The following SLC34A2 variants were observed in gnomAD, a reference collection of about 807,000 sequenced individuals.
SLC34A2 encodes the protein sodium-dependent phosphate transport protein 2B.
SLC34A2 carries 41 observed loss-of-function variants against 50.8 expected under a neutral mutation model. The ratio of observed to expected loss-of-function variants is 0.81; its 90% CI spans 0.63 to 1.05. The LOEUF is 1.05. Ranked by LOEUF, SLC34A2 falls within the 50% of genes least tolerant of loss-of-function variation. SLC34A2 has a pLI of 0.00. For missense variants in SLC34A2, 879 were observed against 876.7 expected (o/e 1.00, Z -0.03); for synonymous variants, 401 against 364.2 (o/e 1.10, Z -1.15).
At chr4:25,668,498 C>T (rs994200168) in intron 6 of SLC34A2, among the ~76,000 whole-genome samples, 22 of 152,050 alleles carry the variant, frequency 1.4e-4, no homozygotes, top group African/African-American at 3.9e-4. Flanking sequence ...AAAAATTAGC[C>T]GGCCGTGGTT....
chr4:25,661,371 G>T (rs913645214), intron 1 of SLC34A2, among the ~76,000 whole-genome samples: 5 of 152,234 alleles, frequency 3.3e-5, no homozygotes, highest in African/African-American at 1.2e-4. Flanking sequence ...CACGCAGAAG[G>T]TATATGAACA....
intron 3 of SLC34A2, among the ~76,000 whole-genome samples, chr4:25,663,695 G>C (rs1041423581): frequency 5.3e-5 from 8 of 152,158 alleles, no homozygotes; most frequent in Admixed American, 5.2e-4. Flanking sequence ...AAAGCCAGTG[G>C]AGTAAACAGC....
Position 25,676,366 on chromosome 4 carries a change from TTCA to T in SLC34A2, c.1699_1701del (p.Ile567del). ...GGTTGGTGTCGGGGTTCCCGTCGTCTTCATCATCATCCTGGTACTGTGCCTCCG... is the reference window on the plus strand; with the variant it reads ...GGTTGGTGTCGGGGTTCCCGTCGTCTTCATCATCCTGGTACTGTGCCTCCG... On this transcript the variant is annotated inframe_deletion, in exon 13 of 13. Coordinates refer to ENST00000382051, the MANE Select transcript of SLC34A2 (RefSeq NM_006424.3). The T allele has an allele frequency of 6.2e-7, 1 of 1,614,180 alleles. No individual in the cohort carries two copies. Among genetic ancestry groups the T allele is most frequent in the Non-Finnish European group, 8.5e-7 (1 of 1,180,028 alleles).
At position 25,655,899 on chromosome 4, in the gene SLC34A2, C is replaced by A. The variant is rs1713852952; in HGVS notation, c.-4+9C>A. On this transcript the variant is annotated intron_variant, in intron 1 of 12. Transcript: ENST00000382051. ...CTGCGGAGGGAGCGCTGGTGAGTAC[C>A]GCCGCCGGGGCAGGGGCGCTTCCTC... 1 of 151,974 alleles carries A rather than the reference C, an allele frequency of 6.6e-6. No individual in the cohort carries two copies. The highest frequency in any genetic ancestry group is 2.4e-5 in the African/African-American group (1 of 41,386). The allele number at this position is 151,974 out of a possible 1,614,324, so 9.4% of individuals were successfully genotyped here.
At chr4:25,659,311 A>G (rs760040062) in intron 1 of SLC34A2, among the ~76,000 whole-genome samples, 1 of 152,174 alleles carries the variant, frequency 6.6e-6, no homozygotes. Flanking sequence ...CAAACTGTAT[A>G]GGACACTCCT....
rs150605573 is a variant in SLC34A2, at chr4:25,668,826, G to A, written c.636-821G>A. On this transcript the variant is annotated intron_variant, in intron 6 of 12. Coordinates refer to ENST00000382051, the MANE Select transcript of SLC34A2 (RefSeq NM_006424.3). Reference sequence around the variant, plus strand: ...CTGAAACTAGAGCAGGTAGAATGCTGGAAACTCTTTTCTTTCAAAAAGGTT... The same window carrying A: ...CTGAAACTAGAGCAGGTAGAATGCTAGAAACTCTTTTCTTTCAAAAAGGTT... Among the ~76,000 whole-genome samples the A allele has an allele frequency of 2.3e-4, 34 of 150,764 alleles. No homozygotes were observed. The East Asian group carries it at 6.0e-3, about 27-fold the overall frequency.
intron 1 of SLC34A2, among the ~76,000 whole-genome samples, chr4:25,660,793 C>T (rs1270366304): frequency 1.3e-5 from 2 of 152,208 alleles, no homozygotes; most frequent in Non-Finnish European, 2.9e-5. Context: ...GATCCACCTG[C>T]CTCGGCTTCC....
Position 25,666,245 on chromosome 4 carries a change from TC to T in SLC34A2, c.498del (p.Ile166MetfsTer79). ...CAGAGCTCCAGCACCTCAACGTCCA[TC>T]GTTGTCAGCATGGTGTCCTCTTCAT... The part of the protein sequence containing the change: ...LVQSSSTSTS[I>X]VVSMVSSSLL... On this transcript the variant is annotated frameshift_variant, in exon 5 of 13. Transcript: ENST00000382051. LOFTEE classifies it high-confidence loss of function. 1 of 1,614,020 alleles carries T rather than the reference TC, an allele frequency of 6.2e-7. No individual in the cohort carries two copies. The highest frequency in any genetic ancestry group is 8.5e-7 in the Non-Finnish European group (1 of 1,180,032).
chr4:25,667,740 T>C, intron 5 of SLC34A2, 140 bp from the exon 6 acceptor site: 1 of 678,560 alleles, frequency 1.5e-6, no homozygotes, highest in Non-Finnish European at 2.7e-6. Flanking sequence ...AGGTGCAGAG[T>C]GAGGTGCAAA....
chr4:25,666,263 C>A lies in SLC34A2; in HGVS notation c.515C>A (p.Ser172Tyr), dbSNP rs1202661099. Residue 172 changes from serine (S) to tyrosine (Y), a missense_variant, in exon 5 of 13, where the codon TCC becomes TAC. By Grantham distance (144) the Ser-to-Tyr change is moderately radical (BLOSUM62 -2). Transcript: ENST00000382051. ...TSTSIVVSMVSSSLLTVRAAI... is the reference protein window; with the variant it reads ...TSTSIVVSMVYSSLLTVRAAI... ...ACGTCCATCGTTGTCAGCATGGTGT[C>A]CTCTTCATGTGAGTCGGGGCACCCA... The A allele has an allele frequency of 6.2e-7, 1 of 1,613,854 alleles. No individual in the cohort carries two copies. Among genetic ancestry groups the A allele is most frequent in the Admixed American group, 1.7e-5 (1 of 60,012 alleles).
At chr4:25,675,093 A>G (rs116488196) in intron 12 of SLC34A2, among the ~76,000 whole-genome samples, 1,725 of 152,292 alleles carry the variant, frequency 0.011, 25 homozygotes, top group African/African-American at 0.039. Context: ...GTGCAGTGAT[A>G]CAATCTCCAC....
intron 7 of SLC34A2, 45 bp downstream of exon 7, chr4:25,669,887 CACA>C: frequency 6.7e-7 from 1 of 1,488,032 alleles, no homozygotes; most frequent in South Asian, 1.1e-5. Context: ...ACTTCCTACC[CACA>C]ACATCCCCTA....
intron 10 of SLC34A2, among the ~76,000 whole-genome samples, chr4:25,673,879 C>A (rs1371497577): frequency 1.3e-5 from 2 of 152,184 alleles, no homozygotes; most frequent in Admixed American, 1.3e-4. Context: ...GGGTGGAGGA[C>A]TCAGTTGGCA....
At chr4:25,662,423 T>C (rs1158244795) in intron 1 of SLC34A2, 75 bp from the exon 2 acceptor site, 2 of 1,344,008 alleles carry the variant, frequency 1.5e-6, no homozygotes. Context: ...TTGCAACCAA[T>C]GGTTCTTCCT....
chr4:25,673,390 T>G, intron 10 of SLC34A2, 136 bp downstream of exon 10: 4 of 903,696 alleles, frequency 4.4e-6, no homozygotes, highest in Non-Finnish European at 7.0e-6. Flanking sequence ...GAAGTGAGGA[T>G]GTCATTCACC....
intron 6 of SLC34A2, among the ~76,000 whole-genome samples, chr4:25,669,353 A>G (rs1714688973): frequency 6.6e-6 from 1 of 152,214 alleles, no homozygotes. Context: ...AGCCTTCAAT[A>G]TACATGATAC....
chr4:25,667,759 T>C, intron 5 of SLC34A2, 121 bp from the exon 6 acceptor site: 1 of 718,980 alleles, frequency 1.4e-6, no homozygotes, highest in South Asian at 1.5e-5. Context: ...AAAAAAAAGT[T>C]TAAGAATTCA....
intron 3 of SLC34A2, 151 bp downstream of exon 3, chr4:25,662,993 T>A (rs745470983): frequency 6.8e-6 from 6 of 888,884 alleles, no homozygotes; most frequent in Non-Finnish European, 1.0e-5. Context: ...TTTTTTTTTT[T>A]AGACGGAGTC....
chr4:25,656,236 C>G (rs966187465), intron 1 of SLC34A2, among the ~76,000 whole-genome samples: 3 of 152,158 alleles, frequency 2.0e-5, no homozygotes, highest in African/African-American at 2.4e-5. Context: ...TAGCTAGGCT[C>G]TTTGTGGCTG....
Sources: gnomAD v4.1 joint callset for allele counts (sites outside exome capture counted in the v4.1 genomes callset) on GRCh38, gnomAD v4.1.1 for gene constraint, MANE v1.5 for transcripts, NCBI Gene and HGNC (gene_info 2026-07-23, HGNC 2026-07-21) for gene names.